Variants in ERBB4 observed in about 807,000 individuals in gnomAD.
ERBB4 encodes the protein receptor tyrosine-protein kinase erbB-4.
A neutral mutation model predicts 158.0 loss-of-function variants in ERBB4; 42 were observed. That is an observed-to-expected ratio of 0.27 (90% CI 0.21 to 0.34). The LOEUF (loss-of-function observed/expected upper bound fraction) is 0.34, where lower values mean the gene tolerates loss of function less well. Ranked by LOEUF, ERBB4 falls within the 10% of genes least tolerant of loss-of-function variation. The pLI, the probability that ERBB4 is intolerant of heterozygous loss-of-function variation, is 1.00. For missense variants in ERBB4, 1,333 were observed against 1,624.1 expected (o/e 0.82, Z 3.08); for synonymous variants, 583 against 558.7 (o/e 1.04, Z -0.61).
chr2:212,086,785 G>C (rs1183240334), intron 2 of ERBB4, among the ~76,000 whole-genome samples: 2 of 152,144 alleles, frequency 1.3e-5, no homozygotes, highest in African/African-American at 2.4e-5. Flanking sequence ...TCCAGAAACT[G>C]TTAGGAGAAG....
At chr2:211,956,961 G>A (rs574614240) in intron 2 of ERBB4, among the ~76,000 whole-genome samples, 161 of 152,114 alleles carry the variant, frequency 1.1e-3, no homozygotes, top group Non-Finnish European at 1.9e-3. Flanking sequence ...AGATTCCTGT[G>A]TCTAGGACTA....
Position 211,893,313 on chromosome 2 carries a change from G to T in ERBB4, c.421+54117C>A, listed in dbSNP as rs1423304176. Among the ~76,000 whole-genome samples, 2 of 144,478 alleles carry T rather than the reference G, an allele frequency of 1.4e-5. 1 individual carries two copies. The highest frequency in any genetic ancestry group is 3.0e-5 in the Non-Finnish European group (2 of 66,512). 94.8% of individuals were successfully genotyped at this position (144,478 alleles called of 152,430 possible). A position where few individuals can be genotyped will look rare whatever the true frequency, so the allele number is the denominator to read the frequency against. ...TGAGAAAAACAAGCAAGGGGGAAAG[G>T]ATTCCCTATTTAATAAATGGTGCTG... On this transcript the variant is annotated intron_variant, in intron 3 of 27. Transcript: ENST00000342788.
rs2069340533 is a variant in ERBB4, at chr2:211,615,210, T to C, written c.2301+3967A>G. On this transcript the variant is annotated intron_variant, in intron 19 of 27. Coordinates refer to ENST00000342788, the MANE Select transcript of ERBB4 (RefSeq NM_005235.3). ...TTAAATACTGGGGAAAAATACAGAG[T>C]GAAGGGAACTCAGAAAAAGTGAATA... is the stretch of plus-strand genomic sequence containing the variant. Among the ~76,000 whole-genome samples the C allele has an allele frequency of 2.6e-5, 4 of 151,520 alleles. No individual in the cohort carries two copies. The South Asian group carries it at 6.2e-4, about 24-fold the overall frequency.
chr2:212,492,383 C>T (rs949349696), intron 1 of ERBB4, among the ~76,000 whole-genome samples: 89 of 150,934 alleles, frequency 5.9e-4, no homozygotes, highest in African/African-American at 2.1e-3. Flanking sequence ...GGAATCTGGT[C>T]ATTAATCTAA....
At chr2:211,540,072 G>A (rs2066757289) in intron 20 of ERBB4, among the ~76,000 whole-genome samples, 1 of 151,672 alleles carries the variant, frequency 6.6e-6, no homozygotes, top group African/African-American at 2.4e-5. Flanking sequence ...TGATATTGCT[G>A]CCATCAAATC....
At chr2:211,837,625 G>A (rs1317199726) in intron 3 of ERBB4, among the ~76,000 whole-genome samples, 1 of 152,036 alleles carries the variant, frequency 6.6e-6, no homozygotes, top group South Asian at 2.1e-4. Flanking sequence ...AACTAACTGG[G>A]TAGGCTTGGG....
chr2:211,623,554 G>C (rs762925417), intron 18 of ERBB4, among the ~76,000 whole-genome samples: 1 of 152,156 alleles, frequency 6.6e-6, no homozygotes, highest in Non-Finnish European at 1.5e-5. Context: ...ATATTGCCCA[G>C]GCATGTCTGG....
At chr2:212,350,741 C>G (rs1387727305) in intron 1 of ERBB4, among the ~76,000 whole-genome samples, 1 of 151,904 alleles carries the variant, frequency 6.6e-6, no homozygotes, top group African/African-American at 2.4e-5. Flanking sequence ...AAGAAATACA[C>G]ATCATAAAGA....
chr2:212,192,572 G>T (rs1238161160), intron 1 of ERBB4, among the ~76,000 whole-genome samples: 1 of 152,004 alleles, frequency 6.6e-6, no homozygotes, highest in African/African-American at 2.4e-5. Context: ...AAGGAAAAAA[G>T]GACAAATAGA....
At chr2:211,940,763 C>A (rs1330540571) in intron 3 of ERBB4, among the ~76,000 whole-genome samples, 3 of 152,062 alleles carry the variant, frequency 2.0e-5, no homozygotes, top group Non-Finnish European at 4.4e-5. Flanking sequence ...CGCCCAACCC[C>A]ACCACTTATT....
intron 1 of ERBB4, among the ~76,000 whole-genome samples, chr2:212,240,342 A>G (rs2084036708): frequency 1.3e-5 from 2 of 152,084 alleles, no homozygotes; most frequent in Non-Finnish European, 2.9e-5. Flanking sequence ...GGAAAAGAAT[A>G]TCCTTATCTC....
chr2:212,509,221 A>T (rs1388962481), intron 1 of ERBB4, among the ~76,000 whole-genome samples: 1 of 152,100 alleles, frequency 6.6e-6, no homozygotes, highest in Admixed American at 6.5e-5. Context: ...AAATAATTGT[A>T]AACTTTTTAA....
At chr2:211,908,340 A>G (rs2079451957) in intron 3 of ERBB4, among the ~76,000 whole-genome samples, 1 of 151,804 alleles carries the variant, frequency 6.6e-6, no homozygotes, top group African/African-American at 2.4e-5. Context: ...AGGGCACAGA[A>G]CTGGTCCCTT....
chr2:212,021,736 C>T (rs1469040858), intron 2 of ERBB4, among the ~76,000 whole-genome samples: 2 of 151,912 alleles, frequency 1.3e-5, no homozygotes, highest in African/African-American at 4.8e-5. Context: ...TCTAATTAAA[C>T]TAAAAAGCTT....
intron 20 of ERBB4, among the ~76,000 whole-genome samples, chr2:211,530,456 T>C (rs2066464306): frequency 6.6e-6 from 1 of 152,116 alleles, no homozygotes; most frequent in Non-Finnish European, 1.5e-5. Flanking sequence ...GCAATCCTTA[T>C]CAAAATACCA....
chr2:212,211,033 GT>G lies in ERBB4; in HGVS notation c.83-86131del, dbSNP rs1378948288. Among the ~76,000 whole-genome samples, 3 of 151,998 alleles carry G rather than the reference GT, an allele frequency of 2.0e-5. 1 individual carries two copies. Among genetic ancestry groups the G allele is most frequent in the African/African-American group, 7.2e-5 (3 of 41,380 alleles). On this transcript the variant is annotated intron_variant, in intron 1 of 27. Coordinates refer to ENST00000342788, the MANE Select transcript of ERBB4 (RefSeq NM_005235.3). ...CATAACTGGCATCTCTATCCATTCT[GT>G]TTTCCAACCCAGTAAGCTGATGGTC...
intron 15 of ERBB4, among the ~76,000 whole-genome samples, chr2:211,662,486 T>C (rs150442307): frequency 2.6e-5 from 4 of 152,342 alleles, no homozygotes; most frequent in South Asian, 2.1e-4. Flanking sequence ...TGTGAGTTCA[T>C]TGAGGTCAGA....
intron 1 of ERBB4, among the ~76,000 whole-genome samples, chr2:212,331,789 G>GT (rs931547914): frequency 6.6e-6 from 1 of 151,866 alleles, no homozygotes; most frequent in Non-Finnish European, 1.5e-5. Flanking sequence ...ATGTTACATA[G>GT]TTTTTTTGGT....
intron 2 of ERBB4, among the ~76,000 whole-genome samples, chr2:211,979,746 A>G (rs1192912867): frequency 1.3e-5 from 2 of 152,124 alleles, no homozygotes; most frequent in Non-Finnish European, 2.9e-5. Flanking sequence ...ATTGAAGTTT[A>G]TCCTTCCATG....
Sources: allele counts gnomAD v4.1 joint callset (sites outside exome capture counted in the v4.1 genomes callset), GRCh38; gene constraint gnomAD v4.1.1; transcripts MANE v1.5; gene names NCBI Gene and HGNC (gene_info 2026-07-23, HGNC 2026-07-21).